GRIK1: variants seen among roughly 807,000 people sequenced by gnomAD.
GRIK1 encodes the protein glutamate receptor ionotropic, kainate 1.
A neutral mutation model predicts 105.7 loss-of-function variants in GRIK1; 69 were observed. The ratio of observed to expected loss-of-function variants is 0.65; its 90% CI spans 0.54 to 0.80. The LOEUF is 0.80. GRIK1 is among the 30% of genes least tolerant of loss of function. GRIK1 has a pLI of 0.00. For synonymous variants in GRIK1, 438 were observed against 431.3 expected, an observed-to-expected ratio of 1.02 and a Z score of -0.19; for missense variants, 1,109 against 1,167.3, an observed-to-expected ratio of 0.95 and a Z score of 0.73.
At chr21:29,584,942 A>G (rs2091098481) in intron 12 of GRIK1, among the ~76,000 whole-genome samples, 1 of 152,178 alleles carries the variant, frequency 6.6e-6, no homozygotes, top group African/African-American at 2.4e-5. Flanking sequence ...AGAAGCAGGG[A>G]TGGATTCTAA....
At chr21:29,765,202 C>A (rs1012497570) in intron 1 of GRIK1, among the ~76,000 whole-genome samples, 2 of 152,098 alleles carry the variant, frequency 1.3e-5, no homozygotes, top group African/African-American at 4.8e-5. Context: ...TTATTTCTTT[C>A]TAAGTTACTT....
chr21:29,709,944 G>C (rs2064005026), intron 1 of GRIK1, among the ~76,000 whole-genome samples: 1 of 151,842 alleles, frequency 6.6e-6, no homozygotes, highest in South Asian at 2.1e-4. Context: ...GTAAGAAAAT[G>C]AGAATGGGTC....
At chr21:29,837,183 A>G (rs547658682) in intron 1 of GRIK1, among the ~76,000 whole-genome samples, 11 of 152,250 alleles carry the variant, frequency 7.2e-5, no homozygotes, top group African/African-American at 2.4e-4. Flanking sequence ...CACACCCCTT[A>G]TATTTTCTGG....
intron 1 of GRIK1, among the ~76,000 whole-genome samples, chr21:29,771,480 C>G (rs1338910080): frequency 6.6e-6 from 1 of 152,186 alleles, no homozygotes. Flanking sequence ...GATCTCCATG[C>G]TCTTGCATTT....
At chr21:29,781,815 C>CAT (rs1569086160) in intron 1 of GRIK1, among the ~76,000 whole-genome samples, 5 of 148,582 alleles carry the variant, frequency 3.4e-5, no homozygotes, top group African/African-American at 1.2e-4. Flanking sequence ...GGACTACAGG[C>CAT]GCCCGCCACC....
At chr21:29,833,245 G>A (rs2067691944) in intron 1 of GRIK1, among the ~76,000 whole-genome samples, 1 of 152,294 alleles carries the variant, frequency 6.6e-6, no homozygotes, top group Non-Finnish European at 1.5e-5. Flanking sequence ...TCTCTAGGAA[G>A]TTCCAAACTT....
intron 1 of GRIK1, among the ~76,000 whole-genome samples, chr21:29,761,799 G>A (rs972247457): frequency 4.1e-5 from 6 of 145,586 alleles, no homozygotes; most frequent in Admixed American, 1.4e-4. Flanking sequence ...CCAGGCTGGA[G>A]TGAAATGGCG....
intron 1 of GRIK1, among the ~76,000 whole-genome samples, chr21:29,822,594 C>T (rs187895006): frequency 4.6e-5 from 7 of 152,120 alleles, no homozygotes; most frequent in African/African-American, 1.7e-4. Flanking sequence ...GTAAATGTTA[C>T]ATGCACATCT....
intron 1 of GRIK1, among the ~76,000 whole-genome samples, chr21:29,916,803 C>T (rs1246889085): frequency 6.6e-6 from 1 of 151,882 alleles, no homozygotes; most frequent in Non-Finnish European, 1.5e-5. Context: ...GGTTTGCAGC[C>T]TTGTAAAATA....
At chr21:29,797,970 G>C (rs2066603342) in intron 1 of GRIK1, among the ~76,000 whole-genome samples, 1 of 152,036 alleles carries the variant, frequency 6.6e-6, no homozygotes, top group South Asian at 2.1e-4. Flanking sequence ...TTTTCAGTTT[G>C]TTGGTTTTTA....
At chr21:29,560,558 T>TTCTCTCTCTCTCTC (rs1207072124) in intron 15 of GRIK1, among the ~76,000 whole-genome samples, 4 of 121,728 alleles carry the variant, frequency 3.3e-5, no homozygotes, top group African/African-American at 1.5e-4. Context: ...CTTTCTTTCT[T>TTCTCTCTCTCTCTC]TCTTTCTTTC....
At chr21:29,857,764 T>G (rs2068506859) in intron 1 of GRIK1, among the ~76,000 whole-genome samples, 1 of 152,224 alleles carries the variant, frequency 6.6e-6, no homozygotes, top group Non-Finnish European at 1.5e-5. Context: ...TACATTGTTT[T>G]TCTTTGGATC....
intron 1 of GRIK1, among the ~76,000 whole-genome samples, chr21:29,799,349 A>C (rs2066642464): frequency 6.6e-6 from 1 of 152,182 alleles, no homozygotes; most frequent in African/African-American, 2.4e-5. Flanking sequence ...GTCTCACTTA[A>C]GGTAGAGAGT....
intron 7 of GRIK1, among the ~76,000 whole-genome samples, chr21:29,604,220 T>C (rs1476254723): frequency 1.3e-5 from 2 of 152,312 alleles, no homozygotes; most frequent in African/African-American, 4.8e-5. Flanking sequence ...CTTTTTCTCC[T>C]GCTCATCCAA....
intron 12 of GRIK1, among the ~76,000 whole-genome samples, chr21:29,585,664 G>A (rs903874969): frequency 6.6e-6 from 1 of 152,092 alleles, no homozygotes; most frequent in Non-Finnish European, 1.5e-5. Context: ...CAACAGGTGT[G>A]GGCCTCCGGG....
At chr21:29,541,575 CT>C (rs34910439) in intron 16 of GRIK1, among the ~76,000 whole-genome samples, 2,191 of 95,904 alleles carry the variant, frequency 0.023, 56 homozygotes, top group East Asian at 0.17. Context: ...CACTCACGGT[CT>C]TTTTTTTTTT....
At chr21:29,560,550 T>TTCTTTCTC in intron 15 of GRIK1, among the ~76,000 whole-genome samples, 1 of 119,342 alleles carries the variant, frequency 8.4e-6, no homozygotes, top group Admixed American at 9.5e-5. Flanking sequence ...CTTTCTTTCT[T>TTCTTTCTC]TCTTTCTTTC....
intron 6 of GRIK1, among the ~76,000 whole-genome samples, chr21:29,643,316 T>C (rs1235571971): frequency 6.6e-6 from 1 of 152,264 alleles, no homozygotes; most frequent in Non-Finnish European, 1.5e-5. Context: ...TAGAAGCTAC[T>C]AAAGCTCAAA....
At chr21:29,563,546 A>T (rs1158530882) in intron 14 of GRIK1, among the ~76,000 whole-genome samples, 2 of 152,138 alleles carry the variant, frequency 1.3e-5, no homozygotes, top group Non-Finnish European at 2.9e-5. Context: ...CCCATAACAA[A>T]GGCGTGTTTT....
Sources: allele counts gnomAD v4.1 joint callset (sites outside exome capture counted in the v4.1 genomes callset), GRCh38; gene constraint gnomAD v4.1.1; transcripts MANE v1.5; gene names NCBI Gene and HGNC (gene_info 2026-07-23, HGNC 2026-07-21).